The following NR2F1-AS1 variants were observed in gnomAD, a reference collection of about 807,000 sequenced individuals.
NR2F1-AS1 encodes the protein NR2F1 antisense RNA 1.
chr5:93,410,820 CAG>C (rs2149838503), intron 4 of NR2F1-AS1: 1 of 152,116 alleles, frequency 6.6e-6, no homozygotes, highest in South Asian at 2.1e-4. Context: ...GGGAAAAAAA[CAG>C]AATTTAATGC....
chr5:93,511,962 A>G (rs2149891138), intron 4 of NR2F1-AS1, among the ~76,000 whole-genome samples: 1 of 152,254 alleles, frequency 6.6e-6, no homozygotes, highest in East Asian at 1.9e-4. Context: ...GGGACCACTG[A>G]TATATAGTAC....
intron 4 of NR2F1-AS1, among the ~76,000 whole-genome samples, chr5:93,494,129 TA>T (rs1222659265): frequency 7.2e-5 from 11 of 152,246 alleles, no homozygotes; most frequent in African/African-American, 2.6e-4. Flanking sequence ...GCAGAATACA[TA>T]AAGAACCATT....
chr5:93,516,213 CA>C (rs1751398755), intron 4 of NR2F1-AS1, among the ~76,000 whole-genome samples: 1 of 151,712 alleles, frequency 6.6e-6, no homozygotes, highest in South Asian at 2.1e-4. Context: ...AGGAAGTAAA[CA>C]AGGTCAAAAG....
At chr5:93,563,687 T>G (rs2149921514) in intron 1 of NR2F1-AS1, among the ~76,000 whole-genome samples, 1 of 152,338 alleles carries the variant, frequency 6.6e-6, no homozygotes, top group East Asian at 1.9e-4. Flanking sequence ...TCAATCACAT[T>G]AGATCTCTCT....
chr5:93,468,347 T>C (rs1010371526), intron 4 of NR2F1-AS1, among the ~76,000 whole-genome samples: 16 of 152,226 alleles, frequency 1.1e-4, no homozygotes, highest in African/African-American at 3.9e-4. Flanking sequence ...CCATTCTAAC[T>C]GGCATGAGAT....
exon 1 of NR2F1-AS1, chr5:93,580,736 C>CT (rs1326307998): frequency 6.6e-6 from 1 of 152,368 alleles, no homozygotes; most frequent in Admixed American, 6.5e-5. Flanking sequence ...GAAAGGTTTT[C>CT]TTTTCTTTCT....
intron 2 of NR2F1-AS1, among the ~76,000 whole-genome samples, chr5:93,562,771 T>C (rs887919368): frequency 2.0e-5 from 3 of 152,200 alleles, no homozygotes; most frequent in Admixed American, 1.3e-4. Context: ...TGGATAGTAA[T>C]TGGGGCAGGG....
chr5:93,582,890 C>A (rs1047698902), upstream of NR2F1-AS1, among the ~76,000 whole-genome samples: 7 of 151,908 alleles, frequency 4.6e-5, no homozygotes, highest in Admixed American at 3.9e-4. Flanking sequence ...AGAAACACAC[C>A]CCCCTCCCTC....
At chr5:93,555,184 T>A (rs1314595805) in intron 2 of NR2F1-AS1, among the ~76,000 whole-genome samples, 1 of 152,198 alleles carries the variant, frequency 6.6e-6, no homozygotes, top group Non-Finnish European at 1.5e-5. Flanking sequence ...TCATTTTGGT[T>A]TCCAATTTCT....
intron 4 of NR2F1-AS1, among the ~76,000 whole-genome samples, chr5:93,546,545 A>G (rs1321686017): frequency 6.6e-6 from 1 of 152,218 alleles, no homozygotes. Context: ...AGTAAACTAC[A>G]AAAGAATAGG....
chr5:93,584,999 C>T, upstream of NR2F1-AS1: 8 of 992,500 alleles, frequency 8.1e-6, no homozygotes, highest in Non-Finnish European at 9.6e-6. Context: ...CTCGGCTCCC[C>T]CCAGCGCTCC....
chr5:93,569,825 C>T (rs753559394), intron 1 of NR2F1-AS1: 15 of 152,168 alleles, frequency 9.9e-5, no homozygotes, highest in African/African-American at 1.7e-4. Context: ...TTCATCTTTC[C>T]AATCAAATGA....
chr5:93,527,311 G>A (rs1177548710), intron 4 of NR2F1-AS1, among the ~76,000 whole-genome samples: 2 of 152,088 alleles, frequency 1.3e-5, no homozygotes, highest in East Asian at 1.9e-4. Flanking sequence ...CCTCTTCAAG[G>A]AGAACTACAA....
chr5:93,459,797 G>A (rs1313210549), intron 4 of NR2F1-AS1, among the ~76,000 whole-genome samples: 1 of 151,930 alleles, frequency 6.6e-6, no homozygotes, highest in Non-Finnish European at 1.5e-5. Flanking sequence ...TCAAAATCCT[G>A]GGCCTATCTT....
intron 4 of NR2F1-AS1, among the ~76,000 whole-genome samples, chr5:93,439,333 A>G (rs1260759994): frequency 6.6e-6 from 1 of 152,156 alleles, no homozygotes; most frequent in Non-Finnish European, 1.5e-5. Context: ...TCTCGCTGTC[A>G]CCCAGGCTGG....
At chr5:93,535,942 T>A (rs1236183728) in intron 4 of NR2F1-AS1, among the ~76,000 whole-genome samples, 1 of 152,080 alleles carries the variant, frequency 6.6e-6, no homozygotes, top group Non-Finnish European at 1.5e-5. Flanking sequence ...ATACTGAAAG[T>A]TCTAAGTAGA....
At chr5:93,531,914 C>T (rs1363108279) in intron 4 of NR2F1-AS1, among the ~76,000 whole-genome samples, 1 of 152,112 alleles carries the variant, frequency 6.6e-6, no homozygotes, top group East Asian at 1.9e-4. Flanking sequence ...GGAATGAATT[C>T]CTACTCTAAG....
intron 4 of NR2F1-AS1, among the ~76,000 whole-genome samples, chr5:93,469,499 T>C (rs568352488): frequency 6.6e-6 from 1 of 152,142 alleles, no homozygotes; most frequent in African/African-American, 2.4e-5. Context: ...GAGAACCCGG[T>C]CATAGGAAAA....
At chr5:93,514,109 T>G (rs1224255280) in intron 4 of NR2F1-AS1, among the ~76,000 whole-genome samples, 1 of 152,138 alleles carries the variant, frequency 6.6e-6, no homozygotes. Context: ...ACCTTTCATG[T>G]TCTATTATAT....
Sources: allele counts gnomAD v4.1 joint callset (sites outside exome capture counted in the v4.1 genomes callset), GRCh38; gene constraint gnomAD v4.1.1; transcripts MANE v1.5; gene names NCBI Gene and HGNC (gene_info 2026-07-23, HGNC 2026-07-21).